Variants in ZFHX3 observed in about 807,000 individuals in gnomAD.
The protein encoded by ZFHX3 is zinc finger homeobox protein 3.
Under a neutral mutation model 279.1 loss-of-function variants are expected in ZFHX3, and 42 were observed. The observed-to-expected ratio is 0.15, with a 90% confidence interval of 0.12 to 0.19. The LOEUF is 0.19. Among genes scored for constraint, ZFHX3 ranks in the 10% least tolerant of loss-of-function variants. The pLI is 1.00. For missense variants in ZFHX3, 4,981 were observed against 4,754.0 expected, an observed-to-expected ratio of 1.05 and a Z score of -1.40; for synonymous variants, 2,293 against 1,957.8, an observed-to-expected ratio of 1.17 and a Z score of -4.52.
At chr16:72,921,621 C>T (rs1250091515) in intron 3 of ZFHX3, among the ~76,000 whole-genome samples, 1 of 152,198 alleles carries the variant, frequency 6.6e-6, no homozygotes, top group Non-Finnish European at 1.5e-5. Context: ...AGACAGTTGG[C>T]GTGGCCTCGC....
In ZFHX3 at chr16:72,957,777, C is replaced by G. The variant is rs1188491709; in HGVS notation, c.2369G>C (p.Cys790Ser). The change falls in exon 2 of 10, where the codon TGC becomes TCC. Residue 790 changes from cysteine to serine, a missense_variant. This residue lies in a region of ZFHX3 where 1,751 missense variants were observed against 1,770.0 expected (regional missense o/e 0.99). Coordinates refer to ENST00000268489, the MANE Select transcript of ZFHX3 (RefSeq NM_006885.4). The stretch of plus-strand genomic sequence containing the variant: ...TGGTTTGGTCGGCGAGGGGGCCCCG[C>G]AGGAGCTACTGATATTGGCTGCCGC... ...AAAAANISSS[C>S]GAPSPTKPKT... is the part of the protein sequence containing the mutation. 5 of 1,614,056 alleles carry G rather than the reference C, an allele frequency of 3.1e-6. No individual in the cohort carries two copies. The highest frequency in any genetic ancestry group is 4.2e-6 in the Non-Finnish European group (5 of 1,180,014).
intron 3 of ZFHX3, among the ~76,000 whole-genome samples, chr16:72,942,714 C>T (rs751185884): frequency 7.9e-5 from 12 of 152,146 alleles, no homozygotes; most frequent in Non-Finnish European, 1.5e-4. Flanking sequence ...AAGGGAATTT[C>T]CATGGCTTTC....
rs902574016 is a variant in ZFHX3, at chr16:72,793,018, T to C, written c.9427+237A>G. Among the ~76,000 whole-genome samples the C allele has an allele frequency of 1.3e-5, 2 of 152,232 alleles. No individual in the cohort carries two copies. The highest frequency in any genetic ancestry group is 4.8e-5 in the African/African-American group (2 of 41,450). ...GCCAGGACCCTCAAGTTTTTCCCTA[T>C]TATAGGGGATAAGAGTGGTTTCAAA... is the stretch of plus-strand genomic sequence containing the variant. On this transcript the variant is annotated intron_variant, in intron 9 of 9. Coordinates refer to ENST00000268489, the MANE Select transcript of ZFHX3 (RefSeq NM_006885.4). The surrounding 1 kb of genome is among the most constrained non-coding windows in gnomAD (Gnocchi z 4.3).
intron 3 of ZFHX3, chr16:73,387,148 C>T (rs1451667369): frequency 6.6e-6 from 1 of 152,102 alleles, no homozygotes; most frequent in East Asian, 1.9e-4. Flanking sequence ...GTGCTGCTTC[C>T]ACGCTACACT....
intron 3 of ZFHX3, among the ~76,000 whole-genome samples, chr16:72,895,070 G>T (rs911964087): frequency 6.6e-6 from 1 of 152,176 alleles, no homozygotes; most frequent in Non-Finnish European, 1.5e-5. Flanking sequence ...CCCATTTGGC[G>T]GGGGTTTGTT....
chr16:73,066,424 G>T (rs556318418), intron 8 of ZFHX3, among the ~76,000 whole-genome samples: 1 of 152,270 alleles, frequency 6.6e-6, no homozygotes, highest in Non-Finnish European at 1.5e-5. Flanking sequence ...TCCATTTCGG[G>T]ACCCTTTTTT....
chr16:73,530,580 C>G (rs1408399952), intron 2 of ZFHX3, among the ~76,000 whole-genome samples: 1 of 152,108 alleles, frequency 6.6e-6, no homozygotes, highest in African/African-American at 2.4e-5. Flanking sequence ...CCAAAGGGGT[C>G]TGTGGACCCC....
intron 2 of ZFHX3, among the ~76,000 whole-genome samples, chr16:73,545,218 C>A (rs1188428487): frequency 6.6e-6 from 1 of 152,130 alleles, no homozygotes. Flanking sequence ...ATCCAGGGTA[C>A]CATAAACCTA....
At chr16:73,684,846 A>G (rs916053088) in intron 1 of ZFHX3, among the ~76,000 whole-genome samples, 6 of 151,694 alleles carry the variant, frequency 4.0e-5, no homozygotes, top group Admixed American at 1.3e-4. Flanking sequence ...GATTACAGGC[A>G]CGCACCACCA....
intron 2 of ZFHX3, among the ~76,000 whole-genome samples, chr16:73,628,426 C>T (rs1401625646): frequency 6.6e-6 from 1 of 152,160 alleles, no homozygotes; most frequent in Admixed American, 6.5e-5. Flanking sequence ...CCAAAATGAG[C>T]TTATATTTTA....
intron 3 of ZFHX3, among the ~76,000 whole-genome samples, chr16:73,403,710 C>A (rs1048666183): frequency 6.6e-6 from 1 of 152,172 alleles, no homozygotes; most frequent in African/African-American, 2.4e-5. Flanking sequence ...TGGCCGGTGG[C>A]GAACACATCC....
chr16:73,409,245 C>T (rs1018672242), intron 3 of ZFHX3, among the ~76,000 whole-genome samples: 11 of 152,134 alleles, frequency 7.2e-5, no homozygotes, highest in Non-Finnish European at 1.6e-4. Context: ...TCCCTGGAGA[C>T]CCCAGTGACA....
chr16:72,930,233 T>A, intron 3 of ZFHX3, among the ~76,000 whole-genome samples: 1 of 151,998 alleles, frequency 6.6e-6, no homozygotes, highest in South Asian at 2.1e-4. Flanking sequence ...GATAAATAAA[T>A]AAAATAAAAT....
At chr16:73,739,237 C>A (rs138813748) in intron 1 of ZFHX3, among the ~76,000 whole-genome samples, 79 of 152,346 alleles carry the variant, frequency 5.2e-4, no homozygotes, top group African/African-American at 1.5e-3. Flanking sequence ...GTGCATTTTA[C>A]AGATAATTTT....
intron 3 of ZFHX3, among the ~76,000 whole-genome samples, chr16:73,332,459 G>A (rs563995911): frequency 6.6e-6 from 1 of 152,324 alleles, no homozygotes; most frequent in African/African-American, 2.4e-5. Context: ...AGCACCTGGA[G>A]TTACAGAGGG....
chr16:73,222,243 C>G (rs2012446077), intron 5 of ZFHX3, among the ~76,000 whole-genome samples: 1 of 151,972 alleles, frequency 6.6e-6, no homozygotes, highest in Non-Finnish European at 1.5e-5. Context: ...ATTTAAAGCA[C>G]TTAGCTTTAA....
At chr16:73,533,228 G>A (rs1050689381) in intron 2 of ZFHX3, among the ~76,000 whole-genome samples, 6 of 151,556 alleles carry the variant, frequency 4.0e-5, no homozygotes, top group African/African-American at 1.5e-4. Flanking sequence ...GGAGGGCTTG[G>A]CTTCCTACTT....
intron 1 of ZFHX3, among the ~76,000 whole-genome samples, chr16:73,752,983 A>T (rs966770875): frequency 4.6e-5 from 7 of 152,316 alleles, no homozygotes; most frequent in Admixed American, 1.3e-4. Context: ...TTGTAACTCC[A>T]TACTCAATAC....
chr16:73,251,886 A>G (rs1043722018), intron 5 of ZFHX3, among the ~76,000 whole-genome samples: 1 of 144,284 alleles, frequency 6.9e-6, no homozygotes, highest in Admixed American at 6.9e-5. Context: ...CACACACACC[A>G]CACACACACC....
Sources: allele counts gnomAD v4.1 joint callset (sites outside exome capture counted in the v4.1 genomes callset), GRCh38; gene constraint gnomAD v4.1.1; regional missense constraint gnomAD v4.1.1; non-coding constraint Gnocchi (gnomAD v3.1); transcripts MANE v1.5; gene names NCBI Gene and HGNC (gene_info 2026-07-23, HGNC 2026-07-21).